SSC5D: variants seen among roughly 807,000 people sequenced by gnomAD.
SSC5D encodes the protein scavenger receptor cysteine rich family member with 5 domains.
In SSC5D, 106 loss-of-function variants were observed where a neutral mutation model predicts 104.6. That is an observed-to-expected ratio of 1.01 (90% CI 0.87 to 1.19). The LOEUF (loss-of-function observed/expected upper bound fraction) is 1.19. Ranked by LOEUF, SSC5D falls within the 50% of genes most tolerant of loss-of-function variation. The pLI, the probability that SSC5D is intolerant of heterozygous loss-of-function variation, is 0.00. For synonymous variants in SSC5D, 860 were observed against 883.5 expected (o/e 0.97, Z 0.47); for missense variants, 1,993 against 2,153.8 (o/e 0.93, Z 1.48).
chr19:55,493,537 T>C, intron 6 of SSC5D, 58 bp from the exon 7 acceptor site: 1 of 1,370,042 alleles, frequency 7.3e-7, no homozygotes, highest in Admixed American at 3.5e-5. Flanking sequence ...GAGCATAGCT[T>C]AGTCCCCGCT....
chr19:55,518,670 A>G lies in SSC5D; in HGVS notation c.4394A>G (p.Gln1465Arg), dbSNP rs1308524386. 1 of 1,542,250 alleles carries G rather than the reference A, an allele frequency of 6.5e-7. No individual in the cohort carries two copies. The highest frequency in any genetic ancestry group is 2.5e-5 in the East Asian group (1 of 40,720). The change falls in exon 14 of 14, where the codon CAG becomes CGG. Residue 1465 changes from glutamine to arginine, a missense_variant. Around this residue, in one of 6 missense-constraint regions of SSC5D, gnomAD observed 349 missense variants for 397.6 expected, o/e 0.88. Transcript: ENST00000389623. ...DPLTLGPTPG[Q>R]SPGPHGPCVA... ...CTCACCCTAGGGCCAACTCCTGGTCAGAGCCCAGGCCCCCATGGTCCATGT... is the reference window on the plus strand; with the variant it reads ...CTCACCCTAGGGCCAACTCCTGGTCGGAGCCCAGGCCCCCATGGTCCATGT...
rs45578333 is a variant in SSC5D at position 55,498,274 on chromosome 19, T to C, written c.1705+77T>C. ...ACAGTAACTAACATGGGCACTAACA[T>C]TGATTGAGTGCTTCCTAAGCCCCAG... is the stretch of plus-strand genomic sequence containing the variant. On this transcript the variant is annotated intron_variant, in intron 9 of 13. Coordinates refer to ENST00000389623, the MANE Select transcript of SSC5D (RefSeq NM_001144950.2). 4,462 of 1,430,476 alleles carry C rather than the reference T, an allele frequency of 3.1e-3. 98 individuals are homozygous for C. In the African/African-American group the frequency reaches 0.054, roughly 17 times the overall value. The allele number at this position is 1,430,476 out of a possible 1,614,324, so 88.6% of individuals were successfully genotyped here.
At chr19:55,495,088 T>C (rs1183776529) in intron 8 of SSC5D, among the ~76,000 whole-genome samples, 2 of 151,246 alleles carry the variant, frequency 1.3e-5, no homozygotes, top group African/African-American at 4.9e-5. Flanking sequence ...CTGCACGGTG[T>C]GGCTGTAGGA....
chr19:55,490,288 C>T lies in SSC5D; in HGVS notation c.476-10C>T, dbSNP rs1169098811. 1.2e-6 allele frequency: 1 copy of T among 845,754 alleles called. No homozygotes were observed. The highest frequency in any genetic ancestry group is 1.5e-5 in the South Asian group (1 of 68,316). 52.4% of individuals were successfully genotyped at this position (845,754 alleles called of 1,614,324 possible). A position where few individuals can be genotyped will look rare whatever the true frequency, so the allele number is the denominator to read the frequency against. On this transcript the variant is annotated splice_polypyrimidine_tract_variant and intron_variant, in intron 4 of 13. Coordinates refer to ENST00000389623, the MANE Select transcript of SSC5D (RefSeq NM_001144950.2). ...CTCAGCTCCTGACCCCTGGCTGTCT[C>T]CACTCCCAGCCCCCCGCCCAGCTGG...
chr19:55,509,612 T>C (rs1987709830), intron 12 of SSC5D, among the ~76,000 whole-genome samples: 1 of 150,736 alleles, frequency 6.6e-6, no homozygotes. Flanking sequence ...ATCCCAGCAC[T>C]TTGAGAGGCT....
chr19:55,513,748 T>C (rs1197926944), intron 13 of SSC5D, among the ~76,000 whole-genome samples: 1 of 152,070 alleles, frequency 6.6e-6, no homozygotes, highest in Non-Finnish European at 1.5e-5. Flanking sequence ...GTGATAAACA[T>C]TCACAATGCA....
intron 8 of SSC5D, among the ~76,000 whole-genome samples, chr19:55,495,233 A>ATATATATATATATT (rs1555765051): frequency 1.2e-4 from 6 of 50,662 alleles, no homozygotes; most frequent in African/African-American, 4.9e-4. Flanking sequence ...ATATATATAT[A>ATATATATATATATT]TTTTTTTTTT....
At chr19:55,496,127 T>G (rs1284657084) in intron 8 of SSC5D, among the ~76,000 whole-genome samples, 3 of 151,948 alleles carry the variant, frequency 2.0e-5, no homozygotes, top group Non-Finnish European at 2.9e-5. Context: ...AGAATTTCAG[T>G]GGGGCCGGTG....
chr19:55,498,268 C>T (rs1360736014), intron 9 of SSC5D, 71 bp downstream of exon 9: 6 of 1,483,332 alleles, frequency 4.0e-6, no homozygotes, highest in Non-Finnish European at 5.5e-6. Context: ...AACATGGGCA[C>T]TAACATTGAT....
rs1987225899 is a variant in SSC5D at position 55,493,856 on chromosome 19, G to A, written c.1157G>A (p.Arg386Gln). 5 of 1,549,254 alleles carry A rather than the reference G, an allele frequency of 3.2e-6. No homozygotes were observed. The highest frequency in any genetic ancestry group is 2.0e-5 in the Admixed American group (1 of 50,964). Residue 386 changes from arginine (R) to glutamine (Q), a missense_variant, in exon 7 of 14, where the codon CGG becomes CAG. Physicochemically the swap from Arg to Gln is conservative, Grantham distance 43. Transcript: ENST00000389623. ...NETALRFCPA[R>Q]PWGQHDCHHR... Reference sequence around the variant, plus strand: ...ACGGCCTTACGATTCTGCCCAGCTCGGCCCTGGGGCCAGCATGACTGTCAC... The same window carrying A: ...ACGGCCTTACGATTCTGCCCAGCTCAGCCCTGGGGCCAGCATGACTGTCAC...
In SSC5D at chr19:55,489,518, G is replaced by T. The variant is rs772829932; in HGVS notation, c.217G>T (p.Ala73Ser). 3 of 1,466,448 alleles carry T rather than the reference G, an allele frequency of 2.0e-6. No homozygotes were observed. The highest frequency in any genetic ancestry group is 5.1e-5 in the East Asian group (2 of 39,536). The allele number at this position is 1,466,448 out of a possible 1,614,324, so 90.8% of individuals were successfully genotyped here. The change falls in exon 3 of 14, where the codon GCC becomes TCC. Residue 73 changes from alanine (A) to serine (S), a missense_variant. Physicochemically the swap from Ala to Ser is moderately conservative, Grantham distance 99. Around this residue, in one of 6 missense-constraint regions of SSC5D, gnomAD observed 1,101 missense variants for 1,085.0 expected, o/e 1.01. Coordinates refer to ENST00000389623, the MANE Select transcript of SSC5D (RefSeq NM_001144950.2). Reference protein sequence around the residue: ...CGGALAAPGGAFFGEGAGPVW... With the variant: ...CGGALAAPGGSFFGEGAGPVW... Reference sequence around the variant, plus strand: ...AGGGGCACTGGCCGCCCCGGGAGGCGCCTTCTTCGGGGAGGGGGCAGGGCC... The same window carrying T: ...AGGGGCACTGGCCGCCCCGGGAGGCTCCTTCTTCGGGGAGGGGGCAGGGCC...
In SSC5D at chr19:55,489,001, T is replaced by G; in HGVS notation, c.26-5T>G. Reference sequence around the variant, plus strand: ...CACTGCCCCACCCTCCGCCCTCCCTTCCAGCGGCCCTGGTGGGGATCCAGG... The same window carrying G: ...CACTGCCCCACCCTCCGCCCTCCCTGCCAGCGGCCCTGGTGGGGATCCAGG... On this transcript the variant is annotated splice_region_variant and splice_polypyrimidine_tract_variant and intron_variant, in intron 1 of 13. Coordinates refer to ENST00000389623, the MANE Select transcript of SSC5D (RefSeq NM_001144950.2). 6.9e-7 allele frequency: 1 copy of G among 1,452,222 alleles called. No individual in the cohort carries two copies. Among genetic ancestry groups the G allele is most frequent in the South Asian group, 1.3e-5 (1 of 77,640 alleles). 90.0% of individuals were successfully genotyped at this position (1,452,222 alleles called of 1,614,324 possible). A position where few individuals can be genotyped will look rare whatever the true frequency, so the allele number is the denominator to read the frequency against.
At position 55,493,994 on chromosome 19, in the gene SSC5D, G is replaced by GGGGGGGGGGGGC; in HGVS notation, c.1213+82_1213+83insGGGGGGGGGGGC. 2 of 143,314 alleles carry GGGGGGGGGGGGC rather than the reference G, an allele frequency of 1.4e-5. 1 individual carries two copies. The highest frequency in any genetic ancestry group is 2.9e-5 in the Non-Finnish European group (2 of 69,490). 8.9% of individuals were successfully genotyped at this position (143,314 alleles called of 1,614,324 possible). A position where few individuals can be genotyped will look rare whatever the true frequency, so the allele number is the denominator to read the frequency against. On this transcript the variant is annotated intron_variant, in intron 7 of 13. Coordinates refer to ENST00000389623, the MANE Select transcript of SSC5D (RefSeq NM_001144950.2). ...GGGCAAGTTCGGCGGGGGCGGGGGG[G>GGGGGGGGGGGGC]TCCCTACGCGCCCTTCCTGCCCTCT... is the stretch of plus-strand genomic sequence containing the variant.
chr19:55,494,549 G>A, intron 7 of SSC5D, 61 bp from the exon 8 acceptor site: 5 of 1,440,482 alleles, frequency 3.5e-6, no homozygotes, highest in Non-Finnish European at 4.6e-6. Flanking sequence ...AGGAGGTGGG[G>A]GTGCCGGCTC....
Position 55,493,993 on chromosome 19 carries a change from G to GGGGGGGGGGGT in SSC5D, c.1213+82_1213+83insGGGGGGGGGTG. ...GGGGCAAGTTCGGCGGGGGCGGGGG[G>GGGGGGGGGGGT]GTCCCTACGCGCCCTTCCTGCCCTC... is the stretch of plus-strand genomic sequence containing the variant. On this transcript the variant is annotated intron_variant, in intron 7 of 13. Transcript: ENST00000389623. The GGGGGGGGGGGT allele has an allele frequency of 1.2e-5, 3 of 247,914 alleles. 1 individual carries two copies. Among genetic ancestry groups the GGGGGGGGGGGT allele is most frequent in the South Asian group, 9.2e-5 (3 of 32,644 alleles). The allele number at this position is 247,914 out of a possible 1,614,324, so 15.4% of individuals were successfully genotyped here.
intron 12 of SSC5D, chr19:55,504,208 G>GGAGGCGGGCAC: frequency 6.5e-7 from 1 of 1,533,084 alleles, no homozygotes; most frequent in Non-Finnish European, 8.7e-7. Flanking sequence ...CCCTCGTGGT[G>GGAGGCGGGCAC]GAGGCGGGCA....
intron 5 of SSC5D, 28 bp downstream of exon 5, chr19:55,490,436 C>CCAAGCAAG (rs1987107495): frequency 1.6e-6 from 1 of 619,268 alleles, no homozygotes; most frequent in Non-Finnish European, 2.5e-6. Flanking sequence ...TCCCCCGACC[C>CCAAGCAAG]CAAGGCTGGT....
chr19:55,512,365 C>CAAAA (rs374519949), intron 12 of SSC5D, among the ~76,000 whole-genome samples: 29,263 of 132,248 alleles, frequency 0.22, 3,406 homozygotes, highest in African/African-American at 0.23. Flanking sequence ...TGCATTTGGC[C>CAAAA]AAAAAAAAAA....
At chr19:55,505,820 T>C (rs539377344) in intron 12 of SSC5D, among the ~76,000 whole-genome samples, 39 of 151,946 alleles carry the variant, frequency 2.6e-4, no homozygotes, top group African/African-American at 9.0e-4. Flanking sequence ...CACTGCAGCC[T>C]CTGCTGCCCA....
Sources: allele counts gnomAD v4.1 joint callset (sites outside exome capture counted in the v4.1 genomes callset), GRCh38; gene constraint gnomAD v4.1.1; regional missense constraint gnomAD v4.1.1; transcripts MANE v1.5; gene names NCBI Gene and HGNC (gene_info 2026-07-23, HGNC 2026-07-21).